Variants in FAM107B observed in about 807,000 individuals in gnomAD.
FAM107B encodes the protein family with sequence similarity 107 member B.
In FAM107B, 21 loss-of-function variants were observed where a neutral mutation model predicts 31.5. The ratio of observed to expected loss-of-function variants is 0.67; its 90% CI spans 0.47 to 0.96. The LOEUF is 0.96. Among genes scored for constraint, FAM107B ranks in the 40% least tolerant of loss-of-function variants. The pLI, the probability that FAM107B is intolerant of heterozygous loss-of-function variation, is 0.00. For synonymous variants in FAM107B, 157 were observed against 141.5 expected (o/e 1.11, Z -0.78); for missense variants, 452 against 377.1 (o/e 1.20, Z -1.64).
In FAM107B at chr10:14,530,524, G is replaced by C. The variant is rs1846863484; in HGVS notation, c.470-9C>G. ...ATCCTCAGGTGGGCTGTCTGAAAGA[G>C]AAAGATGAGAAACACTCATTTGCAG... On this transcript the variant is annotated splice_polypyrimidine_tract_variant and intron_variant, in intron 2 of 4. Transcript: ENST00000181796. 2.5e-6 allele frequency: 4 copies of C among 1,610,516 alleles called. No individual in the cohort carries two copies. Among genetic ancestry groups the C allele is most frequent in the Non-Finnish European group, 3.4e-6 (4 of 1,179,328 alleles).
chr10:14,660,278 A>C (rs2131463104), intron 2 of FAM107B, among the ~76,000 whole-genome samples: 1 of 152,320 alleles, frequency 6.6e-6, no homozygotes, highest in Middle Eastern at 3.4e-3. Flanking sequence ...TTCAGCATTC[A>C]AAAAAACCTG....
intron 1 of FAM107B, among the ~76,000 whole-genome samples, chr10:14,770,876 T>A (rs1458047005): frequency 6.6e-6 from 1 of 151,404 alleles, no homozygotes; most frequent in Non-Finnish European, 1.5e-5. Context: ...CAGATATTGT[T>A]TCCAATATAA....
At chr10:14,755,830 T>A (rs1832919541) in intron 1 of FAM107B, among the ~76,000 whole-genome samples, 1 of 152,360 alleles carries the variant, frequency 6.6e-6, no homozygotes, top group South Asian at 2.1e-4. Context: ...AAACTTCTTA[T>A]CTACACCCCA....
At chr10:14,648,341 G>C (rs528379771) in intron 2 of FAM107B, among the ~76,000 whole-genome samples, 10 of 152,326 alleles carry the variant, frequency 6.6e-5, no homozygotes, top group African/African-American at 2.2e-4. Context: ...CAGCATGAAC[G>C]AGGGGAAACA....
chr10:14,599,635 T>C (rs1852305021), intron 2 of FAM107B, among the ~76,000 whole-genome samples: 1 of 152,162 alleles, frequency 6.6e-6, no homozygotes, highest in Non-Finnish European at 1.5e-5. Context: ...AGACCCCATC[T>C]CTACAGTTTT....
chr10:14,718,767 C>T (rs1855841639), intron 1 of FAM107B, among the ~76,000 whole-genome samples: 1 of 152,156 alleles, frequency 6.6e-6, no homozygotes, highest in Admixed American at 6.5e-5. Flanking sequence ...TAGGTTATGC[C>T]AGACATGGAG....
At chr10:14,581,206 G>A (rs1001403304) in intron 2 of FAM107B, among the ~76,000 whole-genome samples, 2 of 152,206 alleles carry the variant, frequency 1.3e-5, no homozygotes, top group African/African-American at 4.8e-5. Flanking sequence ...TTGCGCGTCA[G>A]ATGTCGCATT....
At chr10:14,713,405 T>C (rs1346122103) in intron 1 of FAM107B, among the ~76,000 whole-genome samples, 1 of 152,206 alleles carries the variant, frequency 6.6e-6, no homozygotes, top group Non-Finnish European at 1.5e-5. Flanking sequence ...AGAGGGAATG[T>C]CATCAAGACA....
At chr10:14,622,176 T>A (rs1190481384) in intron 2 of FAM107B, among the ~76,000 whole-genome samples, 4 of 152,132 alleles carry the variant, frequency 2.6e-5, no homozygotes, top group Admixed American at 1.3e-4. Context: ...TGTCAGGACC[T>A]AAGAATATGG....
chr10:14,564,540 A>T (rs75062838), intron 2 of FAM107B, among the ~76,000 whole-genome samples: 1 of 152,056 alleles, frequency 6.6e-6, no homozygotes, highest in East Asian at 1.9e-4. Flanking sequence ...TATTATAAAA[A>T]CATTTTTGCT....
chr10:14,584,344 C>T (rs1436265795), intron 2 of FAM107B, among the ~76,000 whole-genome samples: 1 of 152,182 alleles, frequency 6.6e-6, no homozygotes, highest in Admixed American at 6.5e-5. Context: ...ACCAAGTGAC[C>T]AGGGGAAAAC....
chr10:14,528,518 C>T (rs1011331986), intron 3 of FAM107B, among the ~76,000 whole-genome samples: 27 of 152,098 alleles, frequency 1.8e-4, no homozygotes, highest in African/African-American at 6.0e-4. Flanking sequence ...TATTATCTCC[C>T]ACTTTATAGA....
At chr10:14,702,615 G>A (rs1243005724) in intron 1 of FAM107B, among the ~76,000 whole-genome samples, 1 of 152,216 alleles carries the variant, frequency 6.6e-6, no homozygotes, top group Non-Finnish European at 1.5e-5. Flanking sequence ...CTCCCAAAGT[G>A]TTGGGATTAC....
At chr10:14,722,593 T>C (rs1314929641) in intron 1 of FAM107B, among the ~76,000 whole-genome samples, 2 of 152,240 alleles carry the variant, frequency 1.3e-5, no homozygotes, top group African/African-American at 4.8e-5. Flanking sequence ...AATCTTGTCA[T>C]GTAATTCTTG....
intron 2 of FAM107B, among the ~76,000 whole-genome samples, chr10:14,649,866 C>A (rs1853855411): frequency 6.6e-6 from 1 of 152,188 alleles, no homozygotes; most frequent in African/African-American, 2.4e-5. Flanking sequence ...TTCATTGGCA[C>A]ATTGTTTGAC....
chr10:14,760,905 G>C (rs1188190171), intron 1 of FAM107B, among the ~76,000 whole-genome samples: 1 of 150,794 alleles, frequency 6.6e-6, no homozygotes, highest in Non-Finnish European at 1.5e-5. Flanking sequence ...TCAGCTACTC[G>C]AGAGACTGAG....
In FAM107B at chr10:14,622,485, T is replaced by G. The variant is rs1588664277; in HGVS notation, c.469+45149A>C. Among the ~76,000 whole-genome samples the G allele has an allele frequency of 3.9e-5, 6 of 152,236 alleles. No homozygotes were observed. In the East Asian group the frequency reaches 1.2e-3, roughly 29 times the overall value. ...CCATGCCTGGCTAATTTTTGTATTT[T>G]TAGTAGAGACGGGGTTTCACTATGT... On this transcript the variant is annotated intron_variant, in intron 2 of 4. Coordinates refer to ENST00000181796, the MANE Select transcript of FAM107B (RefSeq NM_031453.4).
chr10:14,773,985 G>A (rs1057450638), intron 1 of FAM107B, among the ~76,000 whole-genome samples: 5 of 152,024 alleles, frequency 3.3e-5, no homozygotes, highest in African/African-American at 1.2e-4. Context: ...AGCCATTTTT[G>A]GCTCTAAGGC....
intron 1 of FAM107B, among the ~76,000 whole-genome samples, chr10:14,692,303 T>A (rs1447537126): frequency 2.0e-5 from 3 of 152,130 alleles, no homozygotes; most frequent in Non-Finnish European, 2.9e-5. Flanking sequence ...CTTGGAACCA[T>A]CTAGTCATTA....
Sources: gnomAD v4.1 joint callset for allele counts (sites outside exome capture counted in the v4.1 genomes callset) on GRCh38, gnomAD v4.1.1 for gene constraint, MANE v1.5 for transcripts, NCBI Gene and HGNC (gene_info 2026-07-23, HGNC 2026-07-21) for gene names.